The following POLR2B variants were observed in gnomAD, a reference collection of about 807,000 sequenced individuals.
POLR2B encodes the protein DNA-directed RNA polymerase II subunit RPB2.
In POLR2B, 57 loss-of-function variants were observed where a neutral mutation model predicts 144.6. That is an observed-to-expected ratio of 0.39 (90% CI 0.32 to 0.49). POLR2B has a LOEUF of 0.49. POLR2B is among the 20% of genes least tolerant of loss of function. The probability of loss-of-function intolerance (pLI) is 0.83; values close to 1 mark genes in which losing one functional copy is unlikely to be tolerated. For missense variants in POLR2B, 595 were observed against 1,467.4 expected (o/e 0.41, Z 9.71); for synonymous variants, 442 against 469.8 (o/e 0.94, Z 0.77).
chr4:57,011,843 C>T (rs1723197720), intron 13 of POLR2B, among the ~76,000 whole-genome samples: 1 of 151,962 alleles, frequency 6.6e-6, no homozygotes, highest in Non-Finnish European at 1.5e-5. Flanking sequence ...TTATTGCTTG[C>T]CTTAATCTTT....
At chr4:57,025,263 G>T in intron 22 of POLR2B, 114 bp from the exon 23 acceptor site, 1 of 814,968 alleles carries the variant, frequency 1.2e-6, no homozygotes, top group South Asian at 1.7e-5. Flanking sequence ...TAACATTATA[G>T]ATTAGTTCTG....
chr4:57,010,256 AG>A, intron 10 of POLR2B, 104 bp from the exon 11 acceptor site: 1 of 966,134 alleles, frequency 1.0e-6, no homozygotes, highest in Non-Finnish European at 1.5e-6. Context: ...AATGGGGAAC[AG>A]TTTGATACTC....
chr4:57,008,868 G>C (rs1374721296), intron 10 of POLR2B, among the ~76,000 whole-genome samples: 14 of 152,326 alleles, frequency 9.2e-5, no homozygotes, highest in African/African-American at 3.4e-4. Flanking sequence ...GAGGCAGGAA[G>C]GAATGTGTGT....
chr4:57,006,978 TCAAGC>T lies in POLR2B; in HGVS notation c.1383_1387del (p.Ala462SerfsTer28), dbSNP rs1450193383. 3.7e-6 allele frequency: 6 copies of T among 1,613,724 alleles called. No homozygotes were observed. The highest frequency in any genetic ancestry group is 5.1e-6 in the Non-Finnish European group (6 of 1,179,810). The stretch of plus-strand genomic sequence containing the variant: ...ACTGGGGTGATCAAAAGAAAGCTCA[TCAAGC>T]CAGAGCTGGAGTATCTCAGGTAAGT... On this transcript the variant is annotated frameshift_variant, in exon 10 of 25. Coordinates refer to ENST00000314595, the MANE Select transcript of POLR2B (RefSeq NM_000938.3). LOFTEE classifies it high-confidence loss of function.
Position 57,023,631 on chromosome 4 carries a change from A to T in POLR2B, c.2767-31A>T. 1 of 1,610,140 alleles carries T rather than the reference A, an allele frequency of 6.2e-7. No individual in the cohort carries two copies. The highest frequency in any genetic ancestry group is 8.5e-7 in the Non-Finnish European group (1 of 1,177,214). Reference sequence around the variant, plus strand: ...TAGTTTTAGAAAGTAAACCAAATCCACTTAACTAACTTATTTTTATATGAA... The same window carrying T: ...TAGTTTTAGAAAGTAAACCAAATCCTCTTAACTAACTTATTTTTATATGAA... On this transcript the variant is annotated intron_variant, in intron 19 of 24. Transcript: ENST00000314595. This position sits in a 1 kb window ranked among gnomAD's most constrained non-coding sequence, Gnocchi z 4.3.
intron 13 of POLR2B, among the ~76,000 whole-genome samples, chr4:57,012,826 G>A (rs572471452): frequency 1.1e-4 from 16 of 152,020 alleles, no homozygotes; most frequent in South Asian, 2.1e-4. Context: ...CACCATGCCC[G>A]GCTAATTTTT....
At chr4:56,999,410 T>C (rs1722789145) in intron 6 of POLR2B, among the ~76,000 whole-genome samples, 2 of 152,038 alleles carry the variant, frequency 1.3e-5, no homozygotes, top group African/African-American at 4.8e-5. Context: ...GTCTCAGGTC[T>C]AAGTGACCTG....
At position 56,994,527 on chromosome 4, in the gene POLR2B, A is replaced by T. The variant is rs1453970749; in HGVS notation, c.356+11A>T. 1 of 1,534,242 alleles carries T rather than the reference A, an allele frequency of 6.5e-7. No homozygotes were observed. The highest frequency in any genetic ancestry group is 1.4e-5 in the African/African-American group (1 of 73,432). ...ATTAAGGAATCTCACGTAAGAAAGA[A>T]TTTTTCCTTGTCAGCAGTAGATACT... On this transcript the variant is annotated intron_variant, in intron 4 of 24. Coordinates refer to ENST00000314595, the MANE Select transcript of POLR2B (RefSeq NM_000938.3).
Position 57,009,634 on chromosome 4 carries a change from T to G in POLR2B, c.1405-727T>G, listed in dbSNP as rs374299052. The G allele has an allele frequency of 5.5e-4, 84 of 152,188 alleles. 1 individual carries two copies. In the South Asian group the frequency reaches 0.014, roughly 26 times the overall value. The allele number at this position is 152,188 out of a possible 1,614,324, so 9.4% of individuals were successfully genotyped here. ...TTAGAATATTTGAAAATAGAATTGA[T>G]AGGGTATGTTTATAGATGGGTAGAA... On this transcript the variant is annotated intron_variant, in intron 10 of 24. Transcript: ENST00000314595.
chr4:56,990,014 AT>A (rs1362246349), intron 2 of POLR2B, among the ~76,000 whole-genome samples: 2 of 152,142 alleles, frequency 1.3e-5, no homozygotes, highest in African/African-American at 4.8e-5. Flanking sequence ...TATTCTTCTT[AT>A]CCTACCTTTA....
rs1288004764 is a variant in POLR2B, at chr4:56,985,150, G to A, written c.20-1204G>A. 1.6e-5 allele frequency: 3 copies of A among 184,348 alleles called. No homozygotes were observed. The Admixed American group carries it at 2.0e-4, about 12-fold the overall frequency. 11.4% of individuals were successfully genotyped at this position (184,348 alleles called of 1,614,324 possible). A position where few individuals can be genotyped will look rare whatever the true frequency, so the allele number is the denominator to read the frequency against. On this transcript the variant is annotated intron_variant, in intron 1 of 24. Transcript: ENST00000314595. The stretch of plus-strand genomic sequence containing the variant: ...GACTAAAATTGCTAATGGAGCATCT[G>A]TAAGTGGCCTCTACTTATGGTTCGG...
At chr4:57,009,291 C>T (rs758617550) in intron 10 of POLR2B, among the ~76,000 whole-genome samples, 2 of 152,038 alleles carry the variant, frequency 1.3e-5, no homozygotes, top group Non-Finnish European at 2.9e-5. Context: ...AAGTGTATTT[C>T]ATTCTGTGGC....
chr4:57,027,602 C>T (rs1022568613), intron 23 of POLR2B, among the ~76,000 whole-genome samples: 1 of 152,124 alleles, frequency 6.6e-6, no homozygotes, highest in African/African-American at 2.4e-5. Context: ...TGAGCCAAGG[C>T]GCCTGGCCTG....
rs766861753 is a variant in POLR2B, at chr4:57,010,956, T to G, written c.1689-33T>G. The G allele has an allele frequency of 6.3e-6, 10 of 1,599,460 alleles. No homozygotes were observed. The Admixed American group carries it at 1.7e-4, about 27-fold the overall frequency. ...TAGTTGTTGCTTAGTATAGAATTGT[T>G]AAGTGTAAAATGCTTTTGCTTTTTC... On this transcript the variant is annotated intron_variant, in intron 12 of 24. Transcript: ENST00000314595.
chr4:57,030,315 T>C lies in POLR2B; in HGVS notation c.3351T>C (p.His1117=), dbSNP rs766601242. The change falls in exon 24 of 25, where the codon CAT becomes CAC. Residue 1117 remains histidine (H), a synonymous_variant. Transcript: ENST00000314595. ...AGGCATCAGATCCATATCAGGTTCA[T>C]GTTTGCAATCTTTGTGGAATAATGG... ...LFEASDPYQV[H]VCNLCGIMAI... is the part of the protein sequence containing the mutation. 8.1e-6 allele frequency: 13 copies of C among 1,614,196 alleles called. No homozygotes were observed. The highest frequency in any genetic ancestry group is 1.0e-5 in the Non-Finnish European group (12 of 1,179,996).
chr4:56,979,069 T>C, intron 1 of POLR2B, 65 bp downstream of exon 1: 4 of 1,539,672 alleles, frequency 2.6e-6, no homozygotes, highest in Non-Finnish European at 2.7e-6. Flanking sequence ...TGGGAACTGA[T>C]TGGATTGAGG....
At chr4:56,992,618 G>A (rs1255551757) in intron 3 of POLR2B, among the ~76,000 whole-genome samples, 1 of 144,020 alleles carries the variant, frequency 6.9e-6, no homozygotes, top group African/African-American at 2.6e-5. Flanking sequence ...GGAATGCAGT[G>A]GCGCGATCTC....
intron 10 of POLR2B, among the ~76,000 whole-genome samples, chr4:57,007,445 CTT>C (rs1723058664): frequency 6.6e-6 from 1 of 151,880 alleles, no homozygotes; most frequent in Non-Finnish European, 1.5e-5. Flanking sequence ...TTACTGGGGA[CTT>C]TTGAATTATG....
intron 6 of POLR2B, 77 bp from the exon 7 acceptor site, chr4:56,999,540 T>A: frequency 1.1e-6 from 1 of 899,118 alleles, no homozygotes; most frequent in Non-Finnish European, 1.7e-6. Context: ...ATATATATAT[T>A]AAATAGTTCT....
Sources: allele counts gnomAD v4.1 joint callset (sites outside exome capture counted in the v4.1 genomes callset), GRCh38; gene constraint gnomAD v4.1.1; non-coding constraint Gnocchi (gnomAD v3.1); transcripts MANE v1.5; gene names NCBI Gene and HGNC (gene_info 2026-07-23, HGNC 2026-07-21).